Variants in TUSC3 observed in about 807,000 individuals in gnomAD.
TUSC3 encodes the protein dolichyl-diphosphooligosaccharide--protein glycosyltransferase subunit TUSC3.
In TUSC3, 45 loss-of-function variants were observed where a neutral mutation model predicts 44.8. That is an observed-to-expected ratio of 1.00 (90% CI 0.79 to 1.29). The LOEUF (loss-of-function observed/expected upper bound fraction) is 1.29. Among genes scored for constraint, TUSC3 ranks in the 50% most tolerant of loss-of-function variants. TUSC3 has a pLI of 0.00. For synonymous variants in TUSC3, 212 were observed against 152.9 expected (o/e 1.39, Z -2.85); for missense variants, 519 against 437.9 (o/e 1.19, Z -1.65).
At chr8:15,780,375 T>A in the TUSC3 span, among the ~76,000 whole-genome samples, 1 of 152,112 alleles carries the variant, frequency 6.6e-6, no homozygotes, top group Non-Finnish European at 1.5e-5. Context: ...AACTCAAAGG[T>A]TCCCCATGGT....
the TUSC3 span, among the ~76,000 whole-genome samples, chr8:15,786,251 G>A: frequency 6.6e-6 from 1 of 151,986 alleles, no homozygotes; most frequent in Admixed American, 6.6e-5. Flanking sequence ...AAAACAAATT[G>A]ACAACTTAAA....
chr8:15,605,341 C>G (rs1267530320), intron 1 of TUSC3, among the ~76,000 whole-genome samples: 2 of 151,846 alleles, frequency 1.3e-5, no homozygotes, highest in Non-Finnish European at 2.9e-5. Context: ...CTGGCAATAA[C>G]TGTTGTTTTA....
chr8:15,457,863 A>C (rs1417467317), intron 1 of TUSC3, among the ~76,000 whole-genome samples: 1 of 63,440 alleles, frequency 1.6e-5, no homozygotes, highest in African/African-American at 5.1e-5. Context: ...TAATTATCTA[A>C]TAAATTAATT....
At chr8:15,807,017 C>T in the TUSC3 span, 7 of 1,435,188 alleles carry the variant, frequency 4.9e-6, no homozygotes, top group Non-Finnish European at 6.9e-6. Context: ...GAAGGTGCTC[C>T]TGCAGACCCT....
In TUSC3 at chr8:15,461,886, C is replaced by A. The variant is rs139641045; in HGVS notation, n.92-21500C>A. Among the ~76,000 whole-genome samples the A allele has an allele frequency of 1.6e-4, 24 of 151,726 alleles. 1 individual carries two copies. Among genetic ancestry groups the A allele is most frequent in the African/African-American group, 5.1e-4 (21 of 41,402 alleles). On this transcript the variant is annotated intron_variant and non_coding_transcript_variant, in intron 1 of 5. Transcript: ENST00000503191. ...TTTTATTTTAAAATTTACTAAACTA[C>A]GTATAAAAAAATACTGTATGAAACT...
chr8:15,807,080 G>C, the TUSC3 span: 1 of 1,383,854 alleles, frequency 7.2e-7, no homozygotes, highest in East Asian at 2.3e-5. Flanking sequence ...AGCAGTATTT[G>C]GCAACCTGAG....
At chr8:15,745,057 C>T (rs1811350091) in intron 8 of TUSC3, among the ~76,000 whole-genome samples, 1 of 152,116 alleles carries the variant, frequency 6.6e-6, no homozygotes, top group Admixed American at 6.6e-5. Context: ...TTTTCTGTTT[C>T]TGTGTTAATT....
At chr8:15,585,774 G>A (rs1046632673) in intron 1 of TUSC3, among the ~76,000 whole-genome samples, 1 of 152,120 alleles carries the variant, frequency 6.6e-6, no homozygotes, top group Non-Finnish European at 1.5e-5. Context: ...AAGCCCCTCA[G>A]TGTCTGTGCC....
intron 1 of TUSC3, among the ~76,000 whole-genome samples, chr8:15,581,611 C>T (rs1270138840): frequency 6.0e-5 from 9 of 149,872 alleles, no homozygotes; most frequent in African/African-American, 1.2e-4. Context: ...CTGCGGGGTG[C>T]CTCCCAGTTA....
rs143871264 is a variant in TUSC3, at chr8:15,585,846, G to C, written c.139-37234G>C. On this transcript the variant is annotated intron_variant, in intron 1 of 10. Coordinates refer to ENST00000503731, the MANE Select transcript of TUSC3 (RefSeq NM_006765.4). The stretch of plus-strand genomic sequence containing the variant: ...GGACCCACCCTAACTGCCTGCGTGA[G>C]CGTGACCGGGTTTTTTTGTTTCTCC... Among the ~76,000 whole-genome samples the C allele has an allele frequency of 9.3e-3, 1,410 of 152,244 alleles. 22 individuals carry two copies. The highest frequency in any genetic ancestry group is 0.033 in the African/African-American group (1,354 of 41,536).
chr8:15,662,426 A>G (rs1807464539), intron 5 of TUSC3, 130 bp downstream of exon 5: 1 of 1,300,230 alleles, frequency 7.7e-7, no homozygotes, highest in African/African-American at 1.5e-5. Context: ...AACTTTTTAG[A>G]ACTTGGATAA....
At chr8:15,660,562 G>A (rs889799729) in intron 4 of TUSC3, among the ~76,000 whole-genome samples, 14 of 151,768 alleles carry the variant, frequency 9.2e-5, no homozygotes, top group African/African-American at 1.9e-4. Context: ...AAGTACGTTC[G>A]TGCAGGCAGT....
chr8:15,585,089 AGAT>A (rs1000532373), intron 1 of TUSC3, among the ~76,000 whole-genome samples: 1 of 152,230 alleles, frequency 6.6e-6, no homozygotes, highest in Admixed American at 6.5e-5. Flanking sequence ...ACATCGGAAG[AGAT>A]GATGAAAGGC....
intron 2 of TUSC3, among the ~76,000 whole-genome samples, chr8:15,646,310 G>A (rs982808590): frequency 6.6e-6 from 1 of 152,088 alleles, no homozygotes; most frequent in Non-Finnish European, 1.5e-5. Flanking sequence ...TAAAGACATA[G>A]ATTATGTAAG....
At chr8:15,778,739 G>A in the TUSC3 span, among the ~76,000 whole-genome samples, 3 of 152,030 alleles carry the variant, frequency 2.0e-5, no homozygotes, top group Non-Finnish European at 2.9e-5. Flanking sequence ...CTTAGAGAAA[G>A]GGCCCTATTA....
chr8:15,673,481 G>C (rs1808044263), intron 5 of TUSC3, among the ~76,000 whole-genome samples: 1 of 152,048 alleles, frequency 6.6e-6, no homozygotes, highest in Non-Finnish European at 1.5e-5. Context: ...CACCAGGCCA[G>C]ATGCTTTACA....
At chr8:15,509,463 C>G (rs1030901322) in intron 2 of TUSC3, among the ~76,000 whole-genome samples, 1 of 152,070 alleles carries the variant, frequency 6.6e-6, no homozygotes, top group African/African-American at 2.4e-5. Flanking sequence ...TAAAAATTAG[C>G]TAGGTGAGGT....
chr8:15,670,624 G>A (rs1422945585), intron 5 of TUSC3, among the ~76,000 whole-genome samples: 1 of 151,830 alleles, frequency 6.6e-6, no homozygotes, highest in East Asian at 1.9e-4. Context: ...TGGTGGGTGG[G>A]CAAAGATTTC....
At chr8:15,420,550 T>C (rs1799726404) in intron 1 of TUSC3, among the ~76,000 whole-genome samples, 1 of 152,050 alleles carries the variant, frequency 6.6e-6, no homozygotes, top group Non-Finnish European at 1.5e-5. Flanking sequence ...AAACAAAACT[T>C]GTGAAGTCAT....
Sources: gnomAD v4.1 joint callset for allele counts (sites outside exome capture counted in the v4.1 genomes callset) on GRCh38, gnomAD v4.1.1 for gene constraint, MANE v1.5 for transcripts, NCBI Gene and HGNC (gene_info 2026-07-23, HGNC 2026-07-21) for gene names.